JPH1: variants seen among roughly 807,000 people sequenced by gnomAD.
The protein encoded by JPH1 is junctophilin 1.
A neutral mutation model predicts 53.6 loss-of-function variants in JPH1; 12 were observed. The ratio of observed to expected loss-of-function variants is 0.22; its 90% CI spans 0.14 to 0.36. The LOEUF (loss-of-function observed/expected upper bound fraction) is 0.36. JPH1 is among the 10% of genes least tolerant of loss of function. The pLI is 1.00. For synonymous variants in JPH1, 375 were observed against 363.8 expected, an observed-to-expected ratio of 1.03 and a Z score of -0.35; for missense variants, 808 against 905.5, an observed-to-expected ratio of 0.89 and a Z score of 1.38.
At chr8:74,267,484 G>C (rs1806567249) in intron 2 of JPH1, among the ~76,000 whole-genome samples, 1 of 152,208 alleles carries the variant, frequency 6.6e-6, no homozygotes, top group Admixed American at 6.5e-5. Flanking sequence ...ATGTTTCTCA[G>C]CCTGACTGGC....
Position 74,267,985 on chromosome 8 carries a change from C to G in JPH1, c.1140-8482G>C, listed in dbSNP as rs16938844. Among the ~76,000 whole-genome samples, 878 of 152,250 alleles carry G rather than the reference C, an allele frequency of 5.8e-3. 19 individuals are homozygous for G. In the East Asian group the frequency reaches 0.069, roughly 12 times the overall value. On this transcript the variant is annotated intron_variant, in intron 2 of 5. Coordinates refer to ENST00000342232, the MANE Select transcript of JPH1 (RefSeq NM_020647.4). ...GAAGGAGCCTAAGCTCAAAAAAGAC[C>G]TAAAGTGTTGTGGGCTTTGGAACCA... is the stretch of plus-strand genomic sequence containing the variant.
Position 74,321,284 on chromosome 8 carries a change from T to G in JPH1, c.4A>C (p.Thr2Pro). ...TCGTCGAAGTCGAACCTTCCGCCCG[T>G]CATTCGGGGGGCAGCCCCGGCGCGC... M[T>P]GGRFDFDDGG... The change falls in exon 1 of 6, where the codon ACG (threonine) becomes CCG (proline). Residue 2 changes from threonine (T) to proline (P), a missense_variant. By Grantham distance (38) the Thr-to-Pro change is conservative. Transcript: ENST00000342232. This position sits in a 1 kb window ranked among gnomAD's most constrained non-coding sequence, Gnocchi z 4.3. The G allele has an allele frequency of 1.3e-6, 2 of 1,571,380 alleles. No individual in the cohort carries two copies. Among genetic ancestry groups the G allele is most frequent in the Non-Finnish European group, 1.7e-6 (2 of 1,158,752 alleles).
chr8:74,272,803 A>G (rs1331492974), intron 2 of JPH1, among the ~76,000 whole-genome samples: 2 of 151,618 alleles, frequency 1.3e-5, no homozygotes, highest in South Asian at 4.2e-4. Flanking sequence ...ACGGGGTTTC[A>G]CCGTGTTAGC....
intron 4 of JPH1, 83 bp downstream of exon 4, chr8:74,244,446 T>C: frequency 7.0e-7 from 1 of 1,426,370 alleles, no homozygotes; most frequent in Non-Finnish European, 9.5e-7. Flanking sequence ...CTGGCTGTGA[T>C]CAAGATGCAC....
intron 2 of JPH1, among the ~76,000 whole-genome samples, chr8:74,300,053 C>T (rs1397455920): frequency 2.6e-5 from 4 of 152,188 alleles, no homozygotes; most frequent in Non-Finnish European, 4.4e-5. Flanking sequence ...TTTCATAGTT[C>T]CAACAATGGG....
intron 2 of JPH1, among the ~76,000 whole-genome samples, chr8:74,293,552 C>G (rs73686595): frequency 0.02 from 3,090 of 152,292 alleles, 111 homozygotes; most frequent in African/African-American, 0.071. Flanking sequence ...GCTGAACGAA[C>G]CACTACCCCA....
In JPH1 at chr8:74,281,921, C is replaced by T. The variant is rs376793157; in HGVS notation, c.1140-22418G>A. ...CAGACTGGAAGATGGGGAAAGGCTA[C>T]GCAGAAATGACCAAACTGGCTCTCG... On this transcript the variant is annotated intron_variant, in intron 2 of 5. Coordinates refer to ENST00000342232, the MANE Select transcript of JPH1 (RefSeq NM_020647.4). 7.8e-4 allele frequency among the ~76,000 whole-genome samples: 118 copies of T among 152,248 alleles called. 1 individual carries two copies. The South Asian group carries it at 0.017, about 22-fold the overall frequency.
chr8:74,245,192 G>A lies in JPH1; in HGVS notation c.1259-17C>T, dbSNP rs73686051. 18,610 of 1,518,750 alleles carry A rather than the reference G, an allele frequency of 0.012. 1,234 individuals carry two copies. In the African/African-American group the frequency reaches 0.18, roughly 15 times the overall value. 94.1% of individuals were successfully genotyped at this position (1,518,750 alleles called of 1,614,324 possible). A position where few individuals can be genotyped will look rare whatever the true frequency, so the allele number is the denominator to read the frequency against. Reference sequence around the variant, plus strand: ...AATCAGGGCCTGGCCAAAAAAAAAAGAAAAAAGAAAAAAAGAAAGGAGGTA... The same window carrying A: ...AATCAGGGCCTGGCCAAAAAAAAAAAAAAAAAGAAAAAAAGAAAGGAGGTA... On this transcript the variant is annotated splice_polypyrimidine_tract_variant and intron_variant, in intron 3 of 5. Coordinates refer to ENST00000342232, the MANE Select transcript of JPH1 (RefSeq NM_020647.4).
At chr8:74,260,047 C>A (rs1806346660) in intron 2 of JPH1, among the ~76,000 whole-genome samples, 1 of 152,148 alleles carries the variant, frequency 6.6e-6, no homozygotes. Flanking sequence ...TTCAGGCTAC[C>A]AGCATAATGC....
At chr8:74,238,228 A>G (rs566123825) in intron 4 of JPH1, among the ~76,000 whole-genome samples, 1 of 152,292 alleles carries the variant, frequency 6.6e-6, no homozygotes, top group Admixed American at 6.5e-5. Flanking sequence ...CTCCATTTGG[A>G]TACTGGGTAA....
chr8:74,292,763 T>A (rs1002048325), intron 2 of JPH1, among the ~76,000 whole-genome samples: 1 of 152,176 alleles, frequency 6.6e-6, no homozygotes, highest in Non-Finnish European at 1.5e-5. Context: ...ATCAAAGCCA[T>A]ATGAGGTAGC....
Position 74,259,392 on chromosome 8 carries a change from G to A in JPH1, c.1251C>T (p.Tyr417=). Residue 417 remains tyrosine (Y), a synonymous_variant, in exon 3 of 6, where the codon TAC becomes TAT. Transcript: ENST00000342232. Reference sequence around the variant, plus strand: ...AAAGGAGCACTGTTTTACCTGGTTGGTAGAAATCAGGTGACAGCTCCCTGG... The same window carrying A: ...AAAGGAGCACTGTTTTACCTGGTTGATAGAAATCAGGTGACAGCTCCCTGG... ...AVARELSPDF[Y]QPGPDYVKQR... 1 of 1,612,194 alleles carries A rather than the reference G, an allele frequency of 6.2e-7. No individual in the cohort carries two copies. Among genetic ancestry groups the A allele is most frequent in the South Asian group, 1.1e-5 (1 of 91,000 alleles).
At chr8:74,278,952 GAC>G (rs142504862) in intron 2 of JPH1, among the ~76,000 whole-genome samples, 4 of 150,612 alleles carry the variant, frequency 2.7e-5, no homozygotes, top group Admixed American at 6.6e-5. Flanking sequence ...AAGCAAGACA[GAC>G]ACACACACAC....
At chr8:74,318,606 A>G (rs967669301) in intron 1 of JPH1, among the ~76,000 whole-genome samples, 2 of 152,168 alleles carry the variant, frequency 1.3e-5, no homozygotes, top group Non-Finnish European at 2.9e-5. Flanking sequence ...CACTAATAAA[A>G]TAAGTGATAC....
intron 2 of JPH1, among the ~76,000 whole-genome samples, chr8:74,269,992 T>G (rs986309078): frequency 2.6e-5 from 4 of 152,266 alleles, no homozygotes; most frequent in African/African-American, 9.6e-5. Context: ...TCTCTGTGAA[T>G]CTGTCACTGC....
intron 2 of JPH1, among the ~76,000 whole-genome samples, chr8:74,298,147 G>C (rs1018935279): frequency 6.6e-6 from 1 of 152,158 alleles, no homozygotes. Flanking sequence ...AGGCTTCAAA[G>C]TACTGTTCTT....
intron 3 of JPH1, among the ~76,000 whole-genome samples, chr8:74,254,999 C>A (rs1461471842): frequency 6.6e-6 from 1 of 152,150 alleles, no homozygotes; most frequent in African/African-American, 2.4e-5. Flanking sequence ...AATGCTGTCC[C>A]CATCAAGCTA....
chr8:74,304,740 TAA>T (rs1252514087), intron 2 of JPH1, among the ~76,000 whole-genome samples: 2 of 152,212 alleles, frequency 1.3e-5, no homozygotes, highest in African/African-American at 2.4e-5. Context: ...TTACCATATT[TAA>T]GTTTAAAAAT....
intron 4 of JPH1, among the ~76,000 whole-genome samples, chr8:74,239,306 C>A (rs1157834845): frequency 1.3e-5 from 2 of 152,076 alleles, no homozygotes; most frequent in African/African-American, 4.8e-5. Flanking sequence ...TCGAATTAAG[C>A]TTTAGTCTGG....
Sources: gnomAD v4.1 joint callset for allele counts (sites outside exome capture counted in the v4.1 genomes callset) on GRCh38, gnomAD v4.1.1 for gene constraint, Gnocchi (gnomAD v3.1) non-coding constraint, MANE v1.5 for transcripts, NCBI Gene and HGNC (gene_info 2026-07-23, HGNC 2026-07-21) for gene names.